The following IL1RAPL2 variants were observed in gnomAD, a reference collection of about 807,000 sequenced individuals.
IL1RAPL2 encodes the protein X-linked interleukin-1 receptor accessory protein-like 2.
A neutral mutation model predicts 44.1 loss-of-function variants in IL1RAPL2; 3 were observed. The ratio of observed to expected loss-of-function variants is 0.07; its 90% CI spans 0.03 to 0.18. IL1RAPL2 has a LOEUF of 0.18. IL1RAPL2 is among the 10% of genes least tolerant of loss of function. The pLI is 1.00. For synonymous variants in IL1RAPL2, 181 were observed against 178.8 expected (o/e 1.01, Z -0.10); for missense variants, 391 against 496.4 (o/e 0.79, Z 2.02).
intron 2 of IL1RAPL2, among the ~76,000 whole-genome samples, chrX:104,961,461 G>C (rs1440529214): frequency 1.8e-5 from 2 of 111,448 alleles, no homozygotes; most frequent in Non-Finnish European, 3.8e-5. Flanking sequence ...GCCATGTCCT[G>C]ATACTAAACG....
rs375309831 is a variant in IL1RAPL2, at chrX:104,803,621, T to C, written c.82+144626T>C. Among the ~76,000 whole-genome samples, 43 of 112,523 alleles carry C rather than the reference T, an allele frequency of 3.8e-4. 3 individuals carry two copies. Among genetic ancestry groups the C allele is most frequent in the Admixed American group, 2.7e-3 (29 of 10,642 alleles). On this transcript the variant is annotated intron_variant, in intron 2 of 10. Transcript: ENST00000372582. ...CCATCTTTTGTAAGAAATGTTGTTC[T>C]CCATCGTGCTGAAGCATTAGGTTGC...
chrX:104,798,505 A>G (rs180755833), intron 2 of IL1RAPL2, among the ~76,000 whole-genome samples: 1 of 109,424 alleles, frequency 9.1e-6, no homozygotes, highest in African/African-American at 3.3e-5. Context: ...AAAAATAAAA[A>G]AAAAAAAAAA....
chrX:105,602,908 C>A (rs2037264899), intron 6 of IL1RAPL2, among the ~76,000 whole-genome samples: 1 of 110,127 alleles, frequency 9.1e-6, no homozygotes, highest in Admixed American at 9.7e-5. Flanking sequence ...GAATTCATCA[C>A]CACTATACTA....
At chrX:105,640,684 A>ATG (rs1159761412) in intron 6 of IL1RAPL2, among the ~76,000 whole-genome samples, 38 of 94,875 alleles carry the variant, frequency 4.0e-4, no homozygotes, top group African/African-American at 1.4e-3. Flanking sequence ...ATATATATAT[A>ATG]TATATATACA....
intron 6 of IL1RAPL2, among the ~76,000 whole-genome samples, chrX:105,624,059 T>C (rs751548246): frequency 2.7e-5 from 3 of 111,220 alleles, no homozygotes; most frequent in Non-Finnish European, 5.7e-5. Flanking sequence ...AATGTTGGGA[T>C]ACAGCATTCG....
intron 2 of IL1RAPL2, among the ~76,000 whole-genome samples, chrX:104,856,958 G>T (rs1256748128): frequency 8.9e-6 from 1 of 112,017 alleles, no homozygotes; most frequent in Non-Finnish European, 1.9e-5. Flanking sequence ...AAACAATTCT[G>T]CCAATTTGTT....
At chrX:104,809,953 A>G (rs1397785676) in intron 2 of IL1RAPL2, among the ~76,000 whole-genome samples, 1 of 111,103 alleles carries the variant, frequency 9.0e-6, no homozygotes, top group Admixed American at 9.6e-5. Context: ...TGCTATAAAG[A>G]CACATGCACA....
At chrX:104,682,521 T>C (rs1159414674) in intron 2 of IL1RAPL2, among the ~76,000 whole-genome samples, 1 of 112,680 alleles carries the variant, frequency 8.9e-6, no homozygotes, top group Admixed American at 9.4e-5. Context: ...GTCTAATGTC[T>C]TCACCTCCAC....
chrX:105,271,505 A>C lies in IL1RAPL2; in HGVS notation c.697+3964A>C, dbSNP rs770106346. 5.4e-5 allele frequency among the ~76,000 whole-genome samples: 6 copies of C among 111,737 alleles called. No homozygotes were observed. The Admixed American group carries it at 5.8e-4, about 11-fold the overall frequency. On this transcript the variant is annotated intron_variant, in intron 5 of 10. Transcript: ENST00000372582. The stretch of plus-strand genomic sequence containing the variant: ...AAGTAAGACAGGAGAGTTGGTTATA[A>C]GAAGGTGAGAACTGTAGTACAGGTG...
intron 2 of IL1RAPL2, among the ~76,000 whole-genome samples, chrX:104,941,433 T>A (rs1376035525): frequency 1.8e-5 from 2 of 111,940 alleles, no homozygotes; most frequent in East Asian, 5.6e-4. Flanking sequence ...TGGTTTTGAT[T>A]TGTATTTCTC....
chrX:105,275,436 G>A (rs1338194754), intron 5 of IL1RAPL2, among the ~76,000 whole-genome samples: 1 of 111,676 alleles, frequency 9.0e-6, no homozygotes, highest in Admixed American at 9.5e-5. Context: ...TGGCATTTAG[G>A]TTATGATTAG....
intron 6 of IL1RAPL2, among the ~76,000 whole-genome samples, chrX:105,678,332 T>G (rs1413213144): frequency 8.9e-6 from 1 of 112,378 alleles, no homozygotes; most frequent in Non-Finnish European, 1.9e-5. Flanking sequence ...TCGAGCATAT[T>G]TCCTTTGTGT....
At chrX:105,583,963 C>T (rs781616483) in intron 6 of IL1RAPL2, among the ~76,000 whole-genome samples, 16 of 111,757 alleles carry the variant, frequency 1.4e-4, no homozygotes, top group Non-Finnish European at 2.8e-4. Flanking sequence ...AAGATACTCT[C>T]TAATTTGTCT....
intron 2 of IL1RAPL2, among the ~76,000 whole-genome samples, chrX:104,832,013 A>G (rs1323501519): frequency 9.0e-6 from 1 of 111,350 alleles, no homozygotes; most frequent in Non-Finnish European, 1.9e-5. Flanking sequence ...TTTTTTTTCA[A>G]GAGTATCTCT....
chrX:105,640,738 A>C (rs1408504132), intron 6 of IL1RAPL2, among the ~76,000 whole-genome samples: 2 of 77,234 alleles, frequency 2.6e-5, no homozygotes, highest in African/African-American at 4.6e-5. Flanking sequence ...ATATATATAG[A>C]TATAGATAGA....
chrX:104,667,171 C>A (rs1401721811), intron 2 of IL1RAPL2, among the ~76,000 whole-genome samples: 1 of 111,038 alleles, frequency 9.0e-6, no homozygotes, highest in Non-Finnish European at 1.9e-5. Flanking sequence ...ACCCATTAAA[C>A]CCTTAAGATG....
intron 2 of IL1RAPL2, among the ~76,000 whole-genome samples, chrX:105,026,803 T>C (rs1267086109): frequency 9.1e-6 from 1 of 110,325 alleles, no homozygotes; most frequent in Non-Finnish European, 1.9e-5. Flanking sequence ...CCTATAAAAA[T>C]ACCAGTGACA....
intron 3 of IL1RAPL2, among the ~76,000 whole-genome samples, chrX:105,206,298 G>C (rs1315971063): frequency 9.0e-6 from 1 of 111,383 alleles, no homozygotes; most frequent in Non-Finnish European, 1.9e-5. Flanking sequence ...TGAAAGTATT[G>C]TGCTAATCCT....
At chrX:105,595,993 A>G (rs1241168170) in intron 6 of IL1RAPL2, among the ~76,000 whole-genome samples, 2 of 111,067 alleles carry the variant, frequency 1.8e-5, no homozygotes, top group African/African-American at 6.5e-5. Context: ...AACCATTTTA[A>G]TATCTCCACT....
Sources: allele counts gnomAD v4.1 joint callset (sites outside exome capture counted in the v4.1 genomes callset), GRCh38; gene constraint gnomAD v4.1.1; transcripts MANE v1.5; gene names NCBI Gene and HGNC (gene_info 2026-07-23, HGNC 2026-07-21).